STON2: variants seen among roughly 807,000 people sequenced by gnomAD.
STON2 encodes stonin-2.
A neutral mutation model predicts 65.7 loss-of-function variants in STON2; 29 were observed. The ratio of observed to expected loss-of-function variants is 0.44; its 90% CI spans 0.33 to 0.60. The LOEUF is 0.60. STON2 is among the 20% of genes least tolerant of loss of function. The pLI is 0.03. For synonymous variants in STON2, 404 were observed against 414.2 expected (o/e 0.98, Z 0.30); for missense variants, 1,054 against 1,118.1 (o/e 0.94, Z 0.82).
At chr14:81,435,385 G>A (rs139689398) in intron 1 of STON2, among the ~76,000 whole-genome samples, 36 of 152,226 alleles carry the variant, frequency 2.4e-4, no homozygotes, top group African/African-American at 7.9e-4. Flanking sequence ...AATAAGAGCC[G>A]GTATTTATTG....
chr14:81,370,900 C>A, intron 4 of STON2, 88 bp downstream of exon 4: 1 of 1,256,250 alleles, frequency 8.0e-7, no homozygotes, highest in South Asian at 1.4e-5. Context: ...AGGAAGCCAG[C>A]TGCAGCAATT....
intron 5 of STON2, among the ~76,000 whole-genome samples, chr14:81,300,936 T>A (rs1293524783): frequency 6.6e-6 from 1 of 152,154 alleles, no homozygotes; most frequent in Non-Finnish European, 1.5e-5. Flanking sequence ...CAAATGCCTA[T>A]CAATAGGAGA....
intron 4 of STON2, among the ~76,000 whole-genome samples, chr14:81,332,534 A>G (rs1042988618): frequency 1.3e-5 from 2 of 152,166 alleles, no homozygotes; most frequent in South Asian, 2.1e-4. Context: ...ATCTTACCAT[A>G]TGTTCCCCAC....
At chr14:81,431,560 C>A (rs989389556) in intron 1 of STON2, among the ~76,000 whole-genome samples, 1 of 152,104 alleles carries the variant, frequency 6.6e-6, no homozygotes, top group Non-Finnish European at 1.5e-5. Context: ...GGACACATTA[C>A]CTGAGATCAG....
intron 2 of STON2, among the ~76,000 whole-genome samples, chr14:81,397,177 G>A (rs1022370498): frequency 1.3e-5 from 2 of 152,068 alleles, no homozygotes; most frequent in African/African-American, 4.8e-5. Flanking sequence ...CTGTATAAAG[G>A]TTTTTAATCA....
At chr14:81,342,970 T>C (rs1394294817) in intron 4 of STON2, among the ~76,000 whole-genome samples, 1 of 152,200 alleles carries the variant, frequency 6.6e-6, no homozygotes, top group East Asian at 1.9e-4. Flanking sequence ...GCAATGCCTA[T>C]GTCAGTGAGG....
chr14:81,390,728 T>G (rs1337151480), intron 3 of STON2, among the ~76,000 whole-genome samples: 1 of 152,244 alleles, frequency 6.6e-6, no homozygotes, highest in East Asian at 1.9e-4. Flanking sequence ...TTCCTATGGC[T>G]GCTGTAACAA....
intron 5 of STON2, among the ~76,000 whole-genome samples, chr14:81,287,916 T>C (rs1419343997): frequency 6.6e-6 from 1 of 152,106 alleles, no homozygotes; most frequent in African/African-American, 2.4e-5. Context: ...AGGGCTCCAT[T>C]CTCCAACTCA....
intron 4 of STON2, among the ~76,000 whole-genome samples, chr14:81,347,796 C>T (rs1483047970): frequency 1.4e-5 from 2 of 145,194 alleles, no homozygotes; most frequent in East Asian, 4.2e-4. Flanking sequence ...GTAGTTCCAG[C>T]TACTTTGGAG....
chr14:81,281,014 A>AG (rs1415112115), intron 5 of STON2, among the ~76,000 whole-genome samples: 1 of 151,362 alleles, frequency 6.6e-6, no homozygotes, highest in African/African-American at 2.4e-5. Context: ...CCGTCTCAAA[A>AG]AAAAAAAAAA....
rs753238946 is a variant in STON2 at position 81,262,358 on chromosome 14, A to C, written c.*6056T>G. 14 of 985,318 alleles carry C rather than the reference A, an allele frequency of 1.4e-5. No individual in the cohort carries two copies. The highest frequency in any genetic ancestry group is 1.7e-5 in the African/African-American group (1 of 57,256). The allele number at this position is 985,318 out of a possible 1,614,324, so 61.0% of individuals were successfully genotyped here. ...CCTCCCTTTAGGGAAGCTGGCTGCT[A>C]ACACAGCACCTGACCAGAGTAGACA... On this transcript the variant is annotated 3_prime_UTR_variant, in exon 8 of 8. Transcript: ENST00000614646.
In STON2 at chr14:81,417,511, T is replaced by C. The variant is rs539647329; in HGVS notation, c.-199+9591A>G. Among the ~76,000 whole-genome samples the C allele has an allele frequency of 3.1e-4, 47 of 152,308 alleles. No homozygotes were observed. The South Asian group carries it at 9.3e-3, about 30-fold the overall frequency. On this transcript the variant is annotated intron_variant, in intron 2 of 8. Coordinates refer to the STON2 transcript ENST00000553821. Reference sequence around the variant, plus strand: ...TTAAGCTTGGGTGATAGGAGAATAGTAGTGCCATAGTATCTGAGGTAAGGG... The same window carrying C: ...TTAAGCTTGGGTGATAGGAGAATAGCAGTGCCATAGTATCTGAGGTAAGGG...
intron 4 of STON2, among the ~76,000 whole-genome samples, chr14:81,368,964 G>A (rs574980477): frequency 2.0e-5 from 3 of 152,206 alleles, no homozygotes; most frequent in Non-Finnish European, 2.9e-5. Flanking sequence ...CTGCTCTGGC[G>A]ACTGACCTCT....
rs546161358 is a variant in STON2, at chr14:81,423,749, T to C, written c.-199+3353A>G. Among the ~76,000 whole-genome samples, 12 of 152,238 alleles carry C rather than the reference T, an allele frequency of 7.9e-5. No individual in the cohort carries two copies. The South Asian group carries it at 2.5e-3, about 32-fold the overall frequency. On this transcript the variant is annotated intron_variant, in intron 2 of 8. Transcript: ENST00000553821. ...CTGCACAGGGGCCCCTGGCTGATCATGATGTTATCCTTGTGAACCAGGCCT... is the reference window on the plus strand; with the variant it reads ...CTGCACAGGGGCCCCTGGCTGATCACGATGTTATCCTTGTGAACCAGGCCT...
At chr14:81,426,539 A>C (rs1038913341) in intron 2 of STON2, among the ~76,000 whole-genome samples, 1 of 151,986 alleles carries the variant, frequency 6.6e-6, no homozygotes, top group Admixed American at 6.6e-5. Flanking sequence ...GAGCATCTTC[A>C]CTTCAACATC....
intron 5 of STON2, among the ~76,000 whole-genome samples, chr14:81,312,412 C>T (rs545484609): frequency 2.6e-5 from 4 of 152,344 alleles, no homozygotes; most frequent in South Asian, 2.1e-4. Flanking sequence ...TTCAAGGTAA[C>T]GCAAAGAGGC....
intron 4 of STON2, among the ~76,000 whole-genome samples, chr14:81,340,047 G>A (rs1407930351): frequency 3.3e-5 from 5 of 152,122 alleles, no homozygotes; most frequent in South Asian, 2.1e-4. Context: ...CTAGCTACTC[G>A]GGAGGCTGAG....
intron 3 of STON2, chr14:81,395,399 G>C (rs141232221): frequency 0.014 from 2,075 of 153,552 alleles, 25 homozygotes; most frequent in South Asian, 0.042. Flanking sequence ...GCACGACCAC[G>C]CCCAGCTAAT....
At chr14:81,290,881 A>C (rs1696510711) in intron 5 of STON2, among the ~76,000 whole-genome samples, 1 of 152,240 alleles carries the variant, frequency 6.6e-6, no homozygotes, top group Non-Finnish European at 1.5e-5. Context: ...GCAGTTTATA[A>C]AAGTGTAAAC....
Sources: gnomAD v4.1 joint callset for allele counts (sites outside exome capture counted in the v4.1 genomes callset) on GRCh38, gnomAD v4.1.1 for gene constraint, MANE v1.5 for transcripts, NCBI Gene and HGNC (gene_info 2026-07-23, HGNC 2026-07-21) for gene names.